Variants in OCRL observed in about 807,000 individuals in gnomAD.
OCRL encodes inositol polyphosphate 5-phosphatase OCRL.
In OCRL, 8 loss-of-function variants were observed where a neutral mutation model predicts 78.9. That is an observed-to-expected ratio of 0.10 (90% CI 0.06 to 0.18). The LOEUF (loss-of-function observed/expected upper bound fraction) is 0.18. Ranked by LOEUF, OCRL falls within the 10% of genes least tolerant of loss-of-function variation. OCRL has a pLI of 1.00. For synonymous variants in OCRL, 240 were observed against 235.4 expected, an observed-to-expected ratio of 1.02 and a Z score of -0.18; for missense variants, 454 against 696.7, an observed-to-expected ratio of 0.65 and a Z score of 3.92.
At chrX:129,541,867 C>T (rs774656467) in intron 2 of OCRL, among the ~76,000 whole-genome samples, 1 of 112,500 alleles carries the variant, frequency 8.9e-6, no homozygotes, top group East Asian at 2.8e-4. Flanking sequence ...GCCACTCTAA[C>T]TGGATGTCAG....
chrX:129,568,400 C>G (rs2124412092), intron 14 of OCRL, among the ~76,000 whole-genome samples: 1 of 111,605 alleles, frequency 9.0e-6, no homozygotes, highest in African/African-American at 3.3e-5. Context: ...GAAAGAATCC[C>G]CACGCATGTT....
intron 14 of OCRL, among the ~76,000 whole-genome samples, chrX:129,568,168 G>A (rs1163958356): frequency 2.7e-5 from 3 of 109,978 alleles, no homozygotes; most frequent in Admixed American, 1.9e-4. Context: ...CACCCGCCTC[G>A]GCCTCCCAAA....
chrX:129,563,402 T>C (rs569021695), intron 12 of OCRL, among the ~76,000 whole-genome samples: 62 of 112,639 alleles, frequency 5.5e-4, no homozygotes, highest in African/African-American at 1.9e-3. Context: ...AATTTATTGA[T>C]ACTCACTTGT....
At chrX:129,565,715 T>C in intron 12 of OCRL, 57 bp from the exon 13 acceptor site, 1 of 909,562 alleles carries the variant, frequency 1.1e-6, no homozygotes, top group Non-Finnish European at 1.6e-6. Flanking sequence ...TCTCCATCCT[T>C]CTCTGTTTTT....
At chrX:129,540,883 A>C in intron 2 of OCRL, 60 bp downstream of exon 2, 1 of 974,992 alleles carries the variant, frequency 1.0e-6, no homozygotes, top group Non-Finnish European at 1.5e-6. Context: ...CCAACCCCAA[A>C]CCGCGACGGG....
rs1331970082 is a variant in OCRL at position 129,592,312 on chromosome X, G to A, written c.*2042G>A. 1.8e-5 allele frequency: 2 copies of A among 112,844 alleles called. No homozygotes were observed. The highest frequency in any genetic ancestry group is 3.3e-5 in the African/African-American group (1 of 30,673). 9.3% of individuals were successfully genotyped at this position (112,844 alleles called of 1,213,427 possible). A position where few individuals can be genotyped will look rare whatever the true frequency, so the allele number is the denominator to read the frequency against. On this transcript the variant is annotated 3_prime_UTR_variant, in exon 24 of 24. Transcript: ENST00000371113. The stretch of plus-strand genomic sequence containing the variant: ...GTAGCTGCTCTGAAGTAAGGATTTC[G>A]GATTCAGCTGGTAGGGAAAGACTCT...
At position 129,591,781 on chromosome X, in the gene OCRL, T is replaced by G. The variant is rs1324745295; in HGVS notation, c.*1511T>G. 1 of 111,675 alleles carries G rather than the reference T, an allele frequency of 9.0e-6. No individual in the cohort carries two copies. The highest frequency in any genetic ancestry group is 2.8e-4 in the East Asian group (1 of 3,531). 9.2% of individuals were successfully genotyped at this position (111,675 alleles called of 1,213,427 possible). The stretch of plus-strand genomic sequence containing the variant: ...CAATATGGCTAAACCCTTTCCTGAT[T>G]GAGAGTTAAAGCAATAGGAGTCAAG... On this transcript the variant is annotated 3_prime_UTR_variant, in exon 24 of 24. Coordinates refer to ENST00000371113, the MANE Select transcript of OCRL (RefSeq NM_000276.4).
chrX:129,587,234 G>T, intron 20 of OCRL, 116 bp downstream of exon 20: 1 of 549,758 alleles, frequency 1.8e-6, no homozygotes, highest in Non-Finnish European at 3.3e-6. Context: ...TGCACACAGT[G>T]GCACTGTCAG....
At chrX:129,580,412 G>A (rs1234114820) in intron 18 of OCRL, among the ~76,000 whole-genome samples, 1 of 112,149 alleles carries the variant, frequency 8.9e-6, no homozygotes, top group African/African-American at 3.2e-5. Flanking sequence ...GGGGCAGGTG[G>A]TAGAGAGTCT....
intron 10 of OCRL, 64 bp from the exon 11 acceptor site, chrX:129,562,320 A>G (rs1936156470): frequency 2.4e-6 from 2 of 839,080 alleles, no homozygotes; most frequent in South Asian, 4.1e-5. Flanking sequence ...TAGTCGTGGG[A>G]CATTAGAAAT....
At chrX:129,544,883 A>C in intron 2 of OCRL, 75 bp from the exon 3 acceptor site, 1 of 613,408 alleles carries the variant, frequency 1.6e-6, no homozygotes, top group East Asian at 3.3e-5. Flanking sequence ...GATTTGTATA[A>C]CAGGACAGTG....
intron 15 of OCRL, among the ~76,000 whole-genome samples, chrX:129,571,363 GT>G (rs1301308479): frequency 0.032 from 2,597 of 80,350 alleles, 38 homozygotes; most frequent in East Asian, 0.13. Flanking sequence ...TTGTTTTTTG[GT>G]TTTTTTTTTT....
At position 129,540,451 on chromosome X, in the gene OCRL, G is replaced by C. The variant is rs776661920; in HGVS notation, c.12G>C (p.Pro4=). The change falls in exon 1 of 24, where the codon CCG becomes CCC. Residue 4 remains proline (P), a synonymous_variant. Coordinates refer to ENST00000371113, the MANE Select transcript of OCRL (RefSeq NM_000276.4). MEP[P]LPVGAQPLAT... ...CGGAGGCCGCCTGGATGGAGCCGCC[G>C]CTCCCGGTCGGAGCCCAGCCGCTTG... The C allele has an allele frequency of 9.6e-6, 11 of 1,151,630 alleles. No individual in the cohort carries two copies. In the African/African-American group the frequency reaches 1.8e-4, roughly 19 times the overall value. The allele number at this position is 1,151,630 out of a possible 1,213,427, so 94.9% of individuals were successfully genotyped here. A position where few individuals can be genotyped will look rare whatever the true frequency, so the allele number is the denominator to read the frequency against.
intron 22 of OCRL, chrX:129,589,299 A>C (rs1024448844): frequency 6.0e-6 from 2 of 333,498 alleles, no homozygotes; most frequent in Non-Finnish European, 1.1e-5. Flanking sequence ...TGTACGTGGA[A>C]TTCTGGCTGA....
At chrX:129,567,986 G>A (rs1055697991) in intron 14 of OCRL, among the ~76,000 whole-genome samples, 2 of 104,967 alleles carry the variant, frequency 1.9e-5, no homozygotes, top group Admixed American at 1.0e-4. Flanking sequence ...CAATCTCGGC[G>A]CACTGCAAGC....
intron 3 of OCRL, among the ~76,000 whole-genome samples, chrX:129,546,804 G>A (rs1381622110): frequency 3.6e-5 from 4 of 112,108 alleles, no homozygotes; most frequent in East Asian, 2.8e-4. Context: ...TTGTTAGATC[G>A]TAGTGCTGCT....
intron 22 of OCRL, 98 bp from the exon 23 acceptor site, chrX:129,589,747 G>T: frequency 1.7e-6 from 1 of 589,015 alleles, no homozygotes; most frequent in South Asian, 2.3e-5. Flanking sequence ...GGTCCTGCAA[G>T]GGTTGGATTA....
intron 12 of OCRL, among the ~76,000 whole-genome samples, chrX:129,563,332 TC>T (rs2124406660): frequency 8.9e-6 from 1 of 112,407 alleles, no homozygotes; most frequent in Non-Finnish European, 1.9e-5. Flanking sequence ...ATGTACGATA[TC>T]TTGATTTCTA....
chrX:129,551,229 G>T (rs1438192238), intron 4 of OCRL, among the ~76,000 whole-genome samples: 9 of 111,105 alleles, frequency 8.1e-5, no homozygotes, highest in Non-Finnish European at 7.5e-5. Context: ...TCCTACTTTG[G>T]TTCTTGCTTC....
Sources: allele counts gnomAD v4.1 joint callset (sites outside exome capture counted in the v4.1 genomes callset), GRCh38; gene constraint gnomAD v4.1.1; transcripts MANE v1.5; gene names NCBI Gene and HGNC (gene_info 2026-07-23, HGNC 2026-07-21).